Variants in DOCK8 observed in about 807,000 individuals in gnomAD.
DOCK8 encodes the protein dedicator of cytokinesis 8, also known as dedicator of cytokinesis protein 8.
A neutral mutation model predicts 245.6 loss-of-function variants in DOCK8; 141 were observed. That is an observed-to-expected ratio of 0.57 (90% confidence interval 0.50 to 0.66). The LOEUF (loss-of-function observed/expected upper bound fraction) is 0.66, where lower values mean the gene tolerates loss of function less well. Among genes scored for constraint, DOCK8 ranks in the 30% least tolerant of loss-of-function variants. The pLI is 0.00. For missense variants in DOCK8, 2,965 were observed against 2,603.4 expected (o/e 1.14, Z -3.02); for synonymous variants, 1,168 against 970.2 (o/e 1.20, Z -3.79).
chr9:265,256 C>T (rs2048010812), intron 1 of DOCK8, among the ~76,000 whole-genome samples: 1 of 151,974 alleles, frequency 6.6e-6, no homozygotes, highest in African/African-American at 2.4e-5. Context: ...TAAAAAAATA[C>T]TACCCTGCCC....
At chr9:412,141 G>T (rs899382424) in intron 28 of DOCK8, among the ~76,000 whole-genome samples, 1 of 152,004 alleles carries the variant, frequency 6.6e-6, no homozygotes, top group Non-Finnish European at 1.5e-5. Context: ...GGTGGCTCAC[G>T]CCTGTAATCC....
intron 9 of DOCK8, among the ~76,000 whole-genome samples, chr9:330,844 C>A (rs1410978013): frequency 6.6e-6 from 1 of 152,202 alleles, no homozygotes; most frequent in African/African-American, 2.4e-5. Context: ...ACAATAGGTT[C>A]TCATGTCGGT....
chr9:370,359 T>G (rs912606917), intron 16 of DOCK8, 59 bp downstream of exon 16: 50 of 1,528,552 alleles, frequency 3.3e-5, no homozygotes, highest in Non-Finnish European at 4.4e-5. Context: ...CTCCTGGTTT[T>G]TCCAAGTCCC....
Position 464,759 on chromosome 9 carries a change from G to T in DOCK8, c.*540G>T, listed in dbSNP as rs545022225. On this transcript the variant is annotated 3_prime_UTR_variant, in exon 48 of 48. Coordinates refer to ENST00000432829, the MANE Select transcript of DOCK8 (RefSeq NM_203447.4). Reference sequence around the variant, plus strand: ...CATCATGGTTGGAAATTTGGGAGGAGATTATTTGTGAACTTGTTACCCTTT... The same window carrying T: ...CATCATGGTTGGAAATTTGGGAGGATATTATTTGTGAACTTGTTACCCTTT... The T allele has an allele frequency of 2.4e-5, 4 of 169,136 alleles. No homozygotes were observed. The highest frequency in any genetic ancestry group is 5.2e-5 in the Non-Finnish European group (4 of 77,038). 10.5% of individuals were successfully genotyped at this position (169,136 alleles called of 1,614,324 possible).
chr9:402,526 G>C (rs891593708), intron 26 of DOCK8, among the ~76,000 whole-genome samples: 1 of 152,202 alleles, frequency 6.6e-6, no homozygotes, highest in Non-Finnish European at 1.5e-5. Context: ...GCCTCAGAAG[G>C]TCACTGACCC....
At chr9:337,176 G>A (rs2051352792) in intron 12 of DOCK8, among the ~76,000 whole-genome samples, 1 of 152,122 alleles carries the variant, frequency 6.6e-6, no homozygotes, top group East Asian at 1.9e-4. Flanking sequence ...TCCCAACACT[G>A]CCACCATGGG....
chr9:245,624 C>T (rs913331853), intron 1 of DOCK8, among the ~76,000 whole-genome samples: 1 of 152,116 alleles, frequency 6.6e-6, no homozygotes, highest in Non-Finnish European at 1.5e-5. Flanking sequence ...CAATAGCATC[C>T]CAAGGAGGCT....
chr9:275,169 A>T (rs1169254230), intron 2 of DOCK8, among the ~76,000 whole-genome samples: 4 of 152,196 alleles, frequency 2.6e-5, no homozygotes, highest in Non-Finnish European at 5.9e-5. Flanking sequence ...GGAATATAGA[A>T]TTATATAATG....
chr9:391,012 G>C (rs527739033), intron 24 of DOCK8, among the ~76,000 whole-genome samples: 28 of 152,282 alleles, frequency 1.8e-4, no homozygotes, highest in African/African-American at 6.7e-4. Context: ...GTATGATTCT[G>C]TTGTTTTCCT....
intron 36 of DOCK8, among the ~76,000 whole-genome samples, chr9:430,931 A>T (rs1190984962): frequency 6.6e-6 from 1 of 152,000 alleles, no homozygotes; most frequent in African/African-American, 2.4e-5. Flanking sequence ...GTGTAGTGGC[A>T]CTATCAGAGC....
At chr9:295,427 A>T (rs2049220214) in intron 4 of DOCK8, among the ~76,000 whole-genome samples, 1 of 152,196 alleles carries the variant, frequency 6.6e-6, no homozygotes, top group African/African-American at 2.4e-5. Context: ...CCTCCAAGTG[A>T]AATACTTTGG....
chr9:456,961 C>T (rs1045415190), intron 46 of DOCK8: 1 of 144,778 alleles, frequency 6.9e-6, no homozygotes, highest in African/African-American at 2.5e-5. Context: ...TTCAGATACA[C>T]CCTGAAAGGG....
Position 372,369 on chromosome 9 carries a change from G to A in DOCK8, c.2109+83G>A. The A allele has an allele frequency of 1.8e-6, 2 of 1,102,210 alleles. 1 individual carries two copies. Among genetic ancestry groups the A allele is most frequent in the South Asian group, 2.5e-5 (2 of 80,660 alleles). The allele number at this position is 1,102,210 out of a possible 1,614,324, so 68.3% of individuals were successfully genotyped here. On this transcript the variant is annotated intron_variant, in intron 18 of 47. Transcript: ENST00000432829. ...TCCCAGACTCACTTTCCATTCCCATGTGGCCATGGATGTTCATCATGTTCT... is the reference window on the plus strand; with the variant it reads ...TCCCAGACTCACTTTCCATTCCCATATGGCCATGGATGTTCATCATGTTCT...
At chr9:227,982 C>T (rs1273754525) in intron 1 of DOCK8, among the ~76,000 whole-genome samples, 1 of 151,958 alleles carries the variant, frequency 6.6e-6, no homozygotes, top group Non-Finnish European at 1.5e-5. Flanking sequence ...TTGGATTTAC[C>T]CTGAAGGTGG....
chr9:267,573 T>C (rs886467791), intron 1 of DOCK8, among the ~76,000 whole-genome samples: 1 of 152,246 alleles, frequency 6.6e-6, no homozygotes. Context: ...GAGGTAGTTA[T>C]TAAACTACTT....
chr9:288,819 C>A (rs1304912786), intron 3 of DOCK8, among the ~76,000 whole-genome samples: 1 of 152,228 alleles, frequency 6.6e-6, no homozygotes, highest in Non-Finnish European at 1.5e-5. Flanking sequence ...ATACTAACAG[C>A]ATGTCTCTGT....
intron 2 of DOCK8, among the ~76,000 whole-genome samples, chr9:282,246 C>T (rs1240592491): frequency 2.6e-5 from 4 of 152,084 alleles, no homozygotes; most frequent in South Asian, 4.2e-4. Flanking sequence ...TCAGTATGCC[C>T]TACCCAGTAG....
chr9:428,911 G>A lies in DOCK8; in HGVS notation c.4473+415G>A, dbSNP rs557117907. 2.0e-4 allele frequency among the ~76,000 whole-genome samples: 30 copies of A among 152,288 alleles called. No individual in the cohort carries two copies. The South Asian group carries it at 2.3e-3, about 12-fold the overall frequency. ...GGAAGGTCAGAAATGAATTTCTCAC[G>A]GCCTGAGGAATGAGGATTATCCTGG... On this transcript the variant is annotated intron_variant, in intron 35 of 47. Transcript: ENST00000432829.
chr9:292,988 G>A (rs764535235), intron 4 of DOCK8, among the ~76,000 whole-genome samples: 2 of 152,124 alleles, frequency 1.3e-5, no homozygotes, highest in South Asian at 2.1e-4. Flanking sequence ...GCAAGTTTTT[G>A]CATCTTGTTC....
Sources: gnomAD v4.1 joint callset for allele counts (sites outside exome capture counted in the v4.1 genomes callset) on GRCh38, gnomAD v4.1.1 for gene constraint, MANE v1.5 for transcripts, NCBI Gene and HGNC (gene_info 2026-07-23, HGNC 2026-07-21) for gene names.